ZNF768: variants seen among roughly 807,000 people sequenced by gnomAD.
ZNF768 encodes zinc finger protein 768.
A neutral mutation model predicts 39.7 loss-of-function variants in ZNF768; 12 were observed. The observed-to-expected ratio is 0.30, with a 90% CI of 0.19 to 0.49. The LOEUF is 0.49. Among genes scored for constraint, ZNF768 ranks in the 20% least tolerant of loss-of-function variants. ZNF768 has a pLI of 0.99. For synonymous variants in ZNF768, 360 were observed against 288.4 expected (o/e 1.25, Z -2.52); for missense variants, 613 against 723.2 (o/e 0.85, Z 1.75).
Position 30,524,385 on chromosome 16 carries a change from T to C in ZNF768, c.*132A>G. The C allele has an allele frequency of 7.2e-7, 1 of 1,394,992 alleles. No homozygotes were observed. 86.4% of individuals were successfully genotyped at this position (1,394,992 alleles called of 1,614,324 possible). On this transcript the variant is annotated 3_prime_UTR_variant, in exon 2 of 2. Transcript: ENST00000380412. ...CCAGGGCATGTCACTTCCTCCACCC[T>C]GGTTCTCTTCTTCCAGCATCCTCAG...
chr16:30,524,784 C>T lies in ZNF768; in HGVS notation c.1356G>A (p.Leu452=), dbSNP rs2051305038. Residue 452 remains leucine, a synonymous_variant, in exon 2 of 2, where the codon CTG becomes CTA. Transcript: ENST00000380412. The part of the protein sequence containing the change: ...SVLAIHARTH[L]PGRTYSCPDC... ...CGGGGCAGCTGTAGGTGCGGCCTGG[C>T]AGGTGGGTGCGGGCGTGGATGGCCA... is the stretch of plus-strand genomic sequence containing the variant. 1 of 1,610,970 alleles carries T rather than the reference C, an allele frequency of 6.2e-7. No individual in the cohort carries two copies. Among genetic ancestry groups the T allele is most frequent in the Non-Finnish European group, 8.5e-7 (1 of 1,179,460 alleles).
Position 30,526,488 on chromosome 16 carries a change from G to A in ZNF768, c.-75C>T, listed in dbSNP as rs2051326178. ...GACCCGGCCTCGGTTGCCCCGAGCC[G>A]CGGGCCCCCGCCTCCCGCCCGCTCA... On this transcript the variant is annotated 5_prime_UTR_variant, in exon 1 of 2. Coordinates refer to ENST00000380412, the MANE Select transcript of ZNF768 (RefSeq NM_024671.4). The A allele has an allele frequency of 2.3e-5, 30 of 1,277,468 alleles. No individual in the cohort carries two copies. The South Asian group carries it at 3.6e-4, about 15-fold the overall frequency. 79.1% of individuals were successfully genotyped at this position (1,277,468 alleles called of 1,614,324 possible).
chr16:30,526,047 G>A lies in ZNF768; in HGVS notation c.93C>T (p.Asn31=). 6.7e-7 allele frequency: 1 copy of A among 1,496,970 alleles called. No homozygotes were observed. The highest frequency in any genetic ancestry group is 1.4e-5 in the African/African-American group (1 of 70,756). 92.7% of individuals were successfully genotyped at this position (1,496,970 alleles called of 1,614,324 possible). Residue 31 remains asparagine, a synonymous_variant, in exon 2 of 2, where the codon AAC becomes AAT. Coordinates refer to ENST00000380412, the MANE Select transcript of ZNF768 (RefSeq NM_024671.4). ...TTTCCTCTTCCTCATTCTCACTCAT[G>A]TTGCCTGCAGGATGAGAGAATCCAG... ...MRSPEGYLRG[N]MSENEEEEIS...
upstream of ZNF768, chr16:30,527,573 C>G (rs2051340370): frequency 6.5e-6 from 1 of 153,694 alleles, no homozygotes. Context: ...GCCAGAAGCG[C>G]CTTCAGGAGG....
In ZNF768 at chr16:30,524,753, C is replaced by G; in HGVS notation, c.1387G>C (p.Gly463Arg). 6.2e-7 allele frequency: 1 copy of G among 1,608,892 alleles called. No homozygotes were observed. The highest frequency in any genetic ancestry group is 8.5e-7 in the Non-Finnish European group (1 of 1,178,166). Residue 463 changes from glycine (G) to arginine (R), a missense_variant, in exon 2 of 2, where the codon GGC becomes CGC. By Grantham distance (125) the Gly-to-Arg change is moderately radical (BLOSUM62 -2). Transcript: ENST00000380412. ...PGRTYSCPDC[G>R]KTFNRSSTLI... ...GTGGAGGAGCGATTGAAGGTCTTGCCGCAGTCGGGGCAGCTGTAGGTGCGG... is the reference window on the plus strand; with the variant it reads ...GTGGAGGAGCGATTGAAGGTCTTGCGGCAGTCGGGGCAGCTGTAGGTGCGG...
Position 30,525,255 on chromosome 16 carries a change from G to A in ZNF768, c.885C>T (p.Ser295=), listed in dbSNP as rs755462642. 1 of 1,614,102 alleles carries A rather than the reference G, an allele frequency of 6.2e-7. No individual in the cohort carries two copies. The highest frequency in any genetic ancestry group is 8.5e-7 in the Non-Finnish European group (1 of 1,180,040). ...GGTCAGAGCTCTGGGAGAAGGCCTT[G>A]CTGCAGACCTCACATTTGTAGGGCT... The part of the protein sequence containing the change: ...GEKPYKCEVC[S]KAFSQSSDLI... Residue 295 remains serine, a synonymous_variant, in exon 2 of 2, where the codon AGC becomes AGT. Coordinates refer to ENST00000380412, the MANE Select transcript of ZNF768 (RefSeq NM_024671.4).
At chr16:30,532,344 G>A in the ZNF768 span, 1 of 843,364 alleles carries the variant, frequency 1.2e-6, no homozygotes, top group Non-Finnish European at 1.8e-6. Flanking sequence ...GGTGCTGGCA[G>A]AAGAGGCTGC....
chr16:30,526,036 T>C lies in ZNF768; in HGVS notation c.104A>G (p.Asn35Ser), dbSNP rs150378262. The part of the protein sequence containing the change: ...EGYLRGNMSE[N>S]EEEEISQQEG... ...TTGCTGAGAAATTTCCTCTTCCTCATTCTCACTCATGTTGCCTGCAGGATG... is the reference window on the plus strand; with the variant it reads ...TTGCTGAGAAATTTCCTCTTCCTCACTCTCACTCATGTTGCCTGCAGGATG... Residue 35 changes from asparagine (N) to serine (S), a missense_variant, in exon 2 of 2, where the codon AAT becomes AGT. Asn to Ser is a conservative substitution (Grantham distance 46). Around this residue, in one of 4 missense-constraint regions of ZNF768, gnomAD observed 347 missense variants for 326.1 expected, o/e 1.06. Coordinates refer to ENST00000380412, the MANE Select transcript of ZNF768 (RefSeq NM_024671.4). The C allele has an allele frequency of 4.6e-5, 69 of 1,497,742 alleles. No homozygotes were observed. In the African/African-American group the frequency reaches 9.0e-4, roughly 20 times the overall value. 92.8% of individuals were successfully genotyped at this position (1,497,742 alleles called of 1,614,324 possible). A position where few individuals can be genotyped will look rare whatever the true frequency, so the allele number is the denominator to read the frequency against.
upstream of ZNF768, chr16:30,527,126 C>T: frequency 2.0e-6 from 2 of 985,422 alleles, no homozygotes. Flanking sequence ...CCGGCGCCAG[C>T]GGGGGCGGTG....
At position 30,526,367 on chromosome 16, in the gene ZNF768, T is replaced by C. The variant is rs992345387; in HGVS notation, c.47A>G (p.Gln16Arg). 3 of 1,604,866 alleles carry C rather than the reference T, an allele frequency of 1.9e-6. No individual in the cohort carries two copies. The highest frequency in any genetic ancestry group is 1.4e-5 in the African/African-American group (1 of 74,050). The part of the protein sequence containing the change: ...LPWGLEPQDV[Q>R]SSDEMRSPEG... The stretch of plus-strand genomic sequence containing the variant: ...GGGGCTCCTCATTTCGTCAGAACTC[T>C]GCACATCCTGGGGCTCGAGGCCCCA... Residue 16 changes from glutamine (Q) to arginine (R), a missense_variant, in exon 1 of 2, where the codon CAG becomes CGG. By Grantham distance (43) the Gln-to-Arg change is conservative. Transcript: ENST00000380412.
chr16:30,527,123 C>T (rs2051334903), upstream of ZNF768: 4 of 985,438 alleles, frequency 4.1e-6, no homozygotes, highest in Non-Finnish European at 4.8e-6. Context: ...TTCCCGGCGC[C>T]AGCGGGGGCG....
chr16:30,527,450 C>G, upstream of ZNF768: 1 of 430,674 alleles, frequency 2.3e-6, no homozygotes, highest in Non-Finnish European at 3.1e-6. Flanking sequence ...CGTGCTCTAG[C>G]CGCCCCGCCT....
the ZNF768 span, chr16:30,532,424 G>C: frequency 1.3e-6 from 2 of 1,504,782 alleles, no homozygotes; most frequent in Non-Finnish European, 1.8e-6. Context: ...CCTCCCTGCA[G>C]GCCGCTGCAG....
Position 30,525,844 on chromosome 16 carries a change from TCAGGGCTTGGGGGCACAAGCC to T in ZNF768, c.275_295del (p.Gly92_Pro98del). On this transcript the variant is annotated inframe_deletion, in exon 2 of 2. Coordinates refer to ENST00000380412, the MANE Select transcript of ZNF768 (RefSeq NM_024671.4). ...TGATTCAGGGCTTCTGGGTGCAAACTCAGGGCTTGGGGGCACAAGCCCAGGGCTTCGGGACTCAAACCCCGG... is the reference window on the plus strand; with the variant it reads ...TGATTCAGGGCTTCTGGGTGCAAACTCAGGGCTTCGGGACTCAAACCCCGG... 1 of 1,529,290 alleles carries T rather than the reference TCAGGGCTTGGGGGCACAAGCC, an allele frequency of 6.5e-7. No individual in the cohort carries two copies. The highest frequency in any genetic ancestry group is 8.7e-7 in the Non-Finnish European group (1 of 1,143,386). 94.7% of individuals were successfully genotyped at this position (1,529,290 alleles called of 1,614,324 possible). A position where few individuals can be genotyped will look rare whatever the true frequency, so the allele number is the denominator to read the frequency against.
the ZNF768 span, chr16:30,532,449 G>A: frequency 6.4e-7 from 1 of 1,553,534 alleles, no homozygotes; most frequent in Non-Finnish European, 8.7e-7. Flanking sequence ...TCGGGCCCCT[G>A]AGCCCATCTC....
chr16:30,527,272 G>A, upstream of ZNF768: 5 of 986,088 alleles, frequency 5.1e-6, no homozygotes, highest in Non-Finnish European at 6.0e-6. Flanking sequence ...GCACCTGCGC[G>A]CGCCCGCTCC....
upstream of ZNF768, chr16:30,527,712 C>T (rs929058916): frequency 1.3e-5 from 2 of 152,460 alleles, no homozygotes; most frequent in African/African-American, 4.8e-5. Context: ...ACCCTTCCTC[C>T]TCGTCAGCCT....
upstream of ZNF768, among the ~76,000 whole-genome samples, chr16:30,528,914 TG>T (rs1419597056): frequency 6.6e-6 from 1 of 152,268 alleles, no homozygotes; most frequent in East Asian, 1.9e-4. Flanking sequence ...ACCCTAAAAA[TG>T]GGTGGCGAGA....
chr16:30,530,858 C>T (rs1430889864), upstream of ZNF768: 1 of 152,354 alleles, frequency 6.6e-6, no homozygotes, highest in African/African-American at 2.4e-5. This position sits in a 1 kb window ranked among gnomAD's most constrained non-coding sequence, Gnocchi z 4.4. Flanking sequence ...GTTGTCCTGA[C>T]CAGAGGCAGG....
Sources: allele counts gnomAD v4.1 joint callset (sites outside exome capture counted in the v4.1 genomes callset), GRCh38; gene constraint gnomAD v4.1.1; regional missense constraint gnomAD v4.1.1; non-coding constraint Gnocchi (gnomAD v3.1); transcripts MANE v1.5; gene names NCBI Gene and HGNC (gene_info 2026-07-23, HGNC 2026-07-21).